Variants in CSMD3 observed in about 807,000 individuals in gnomAD.
CSMD3 encodes the protein CUB and Sushi multiple domains 3.
A neutral mutation model predicts 435.2 loss-of-function variants in CSMD3; 177 were observed. The observed-to-expected ratio is 0.41, with a 90% CI of 0.36 to 0.46. The LOEUF (loss-of-function observed/expected upper bound fraction) is 0.46. Among genes scored for constraint, CSMD3 ranks in the 20% least tolerant of loss-of-function variants. The pLI is 0.34. For synonymous variants in CSMD3, 1,656 were observed against 1,520.5 expected (o/e 1.09, Z -2.07); for missense variants, 4,265 against 4,504.6 (o/e 0.95, Z 1.52).
intron 66 of CSMD3, among the ~76,000 whole-genome samples, chr8:112,241,443 T>A (rs1240645381): frequency 6.6e-6 from 1 of 152,072 alleles, no homozygotes; most frequent in Non-Finnish European, 1.5e-5. Context: ...ATATTTTAAA[T>A]GACAGTATTG....
At chr8:112,291,481 T>C (rs2130675131) in intron 56 of CSMD3, 29 bp downstream of exon 56, 2 of 1,481,764 alleles carry the variant, frequency 1.3e-6, no homozygotes, top group Non-Finnish European at 1.9e-6. Context: ...TGACATGTTC[T>C]CAAGAAACAA....
intron 10 of CSMD3, among the ~76,000 whole-genome samples, chr8:112,904,854 A>G (rs1404061949): frequency 1.3e-5 from 2 of 151,352 alleles, no homozygotes; most frequent in African/African-American, 4.8e-5. Context: ...CAATATAAAA[A>G]CCAAAGGAAA....
At chr8:112,479,657 A>G (rs1157450396) in intron 31 of CSMD3, among the ~76,000 whole-genome samples, 1 of 152,206 alleles carries the variant, frequency 6.6e-6, no homozygotes, top group Non-Finnish European at 1.5e-5. Context: ...ACAGCTCTGT[A>G]AAGTGCAAGC....
chr8:112,278,319 A>T (rs3922407), intron 59 of CSMD3, among the ~76,000 whole-genome samples: 1 of 152,006 alleles, frequency 6.6e-6, no homozygotes, highest in African/African-American at 2.4e-5. Context: ...GCTGATTTTG[A>T]TGCATTTTCT....
chr8:112,267,162 T>C (rs1817032919), intron 59 of CSMD3, among the ~76,000 whole-genome samples: 2 of 152,196 alleles, frequency 1.3e-5, no homozygotes, highest in South Asian at 4.1e-4. Flanking sequence ...TTAAGAATGA[T>C]TAATGTCAAG....
At chr8:113,224,851 A>C (rs926734859) in intron 3 of CSMD3, among the ~76,000 whole-genome samples, 1 of 150,828 alleles carries the variant, frequency 6.6e-6, no homozygotes, top group Non-Finnish European at 1.5e-5. Context: ...TATTAAGTTC[A>C]TCTAAGAGGT....
chr8:113,149,066 A>C (rs1292267032), intron 4 of CSMD3, among the ~76,000 whole-genome samples: 1 of 151,806 alleles, frequency 6.6e-6, no homozygotes, highest in Admixed American at 6.6e-5. Flanking sequence ...TTATGGAATC[A>C]AGATCAAAAT....
At chr8:112,469,839 A>T (rs1364164246) in intron 32 of CSMD3, among the ~76,000 whole-genome samples, 1 of 152,320 alleles carries the variant, frequency 6.6e-6, no homozygotes, top group East Asian at 1.9e-4. Context: ...GCATCTGTAT[A>T]TGAAACATAT....
chr8:113,253,671 C>T (rs766731601), intron 3 of CSMD3, among the ~76,000 whole-genome samples: 128 of 151,802 alleles, frequency 8.4e-4, no homozygotes, highest in African/African-American at 2.9e-3. Context: ...GAAACCCCGT[C>T]TATACTAAAA....
At chr8:112,658,003 C>T (rs571528338) in intron 17 of CSMD3, among the ~76,000 whole-genome samples, 31 of 152,058 alleles carry the variant, frequency 2.0e-4, no homozygotes, top group Admixed American at 1.6e-3. Flanking sequence ...TTTATTGGAT[C>T]AAAGAAAAAA....
chr8:112,367,578 TTA>T lies in CSMD3; in HGVS notation c.6136+12772_6136+12773del, dbSNP rs766469561. Reference sequence around the variant, plus strand: ...TCTAATTGGCCATAAAGCTTTTCAATTATATCTTATTAATATCTCTTGAATCT... The same window carrying T: ...TCTAATTGGCCATAAAGCTTTTCAATTATCTTATTAATATCTCTTGAATCT... On this transcript the variant is annotated intron_variant, in intron 38 of 70. Transcript: ENST00000297405. Among the ~76,000 whole-genome samples the T allele has an allele frequency of 5.9e-5, 9 of 152,312 alleles. No individual in the cohort carries two copies. In the Middle Eastern group the frequency reaches 0.017, roughly 288 times the overall value.
intron 4 of CSMD3, among the ~76,000 whole-genome samples, chr8:113,108,725 A>G (rs1250558412): frequency 6.6e-6 from 1 of 152,188 alleles, no homozygotes; most frequent in African/African-American, 2.4e-5. Context: ...ACCATTTTTA[A>G]TATAATAAAA....
intron 13 of CSMD3, among the ~76,000 whole-genome samples, chr8:112,691,747 T>C (rs2076141946): frequency 6.6e-6 from 1 of 152,094 alleles, no homozygotes; most frequent in Admixed American, 6.6e-5. Context: ...ATTTATTAGG[T>C]GGCTTAAAGA....
At chr8:112,391,090 T>A (rs1040248168) in intron 35 of CSMD3, among the ~76,000 whole-genome samples, 1 of 152,204 alleles carries the variant, frequency 6.6e-6, no homozygotes, top group Admixed American at 6.5e-5. Flanking sequence ...AAATTTGCCT[T>A]AAAAATAGTT....
At chr8:112,518,367 G>A (rs142197837) in intron 27 of CSMD3, among the ~76,000 whole-genome samples, 55 of 151,954 alleles carry the variant, frequency 3.6e-4, no homozygotes, top group Middle Eastern at 3.4e-3. Flanking sequence ...AATTAGCCCA[G>A]CATGGTGGTG....
chr8:113,089,397 T>C (rs1300898179), intron 5 of CSMD3, among the ~76,000 whole-genome samples: 1 of 152,074 alleles, frequency 6.6e-6, no homozygotes, highest in Non-Finnish European at 1.5e-5. Flanking sequence ...TTCCACAAAA[T>C]AATTTAAATA....
At chr8:113,324,165 G>A (rs367732088) in intron 1 of CSMD3, among the ~76,000 whole-genome samples, 333 of 152,188 alleles carry the variant, frequency 2.2e-3, no homozygotes, top group African/African-American at 7.8e-3. Flanking sequence ...GTGATAAAAA[G>A]GAAAAACCAT....
intron 3 of CSMD3, among the ~76,000 whole-genome samples, chr8:113,211,077 A>G (rs2092829152): frequency 6.6e-6 from 1 of 152,100 alleles, no homozygotes; most frequent in Non-Finnish European, 1.5e-5. Context: ...GTATTTTTCT[A>G]CATCTTAAAC....
chr8:113,078,413 T>C (rs1431154623), intron 5 of CSMD3, among the ~76,000 whole-genome samples: 1 of 152,146 alleles, frequency 6.6e-6, no homozygotes. Flanking sequence ...ATTGGGAAAA[T>C]AACTTCAATT....
Sources: gnomAD v4.1 joint callset for allele counts (sites outside exome capture counted in the v4.1 genomes callset) on GRCh38, gnomAD v4.1.1 for gene constraint, MANE v1.5 for transcripts, NCBI Gene and HGNC (gene_info 2026-07-23, HGNC 2026-07-21) for gene names.